The following SUMF1 variants were observed in gnomAD, a reference collection of about 807,000 sequenced individuals.
The protein encoded by SUMF1 is sulfatase modifying factor 1.
In SUMF1, 48 loss-of-function variants were observed where a neutral mutation model predicts 47.6. The observed-to-expected ratio is 1.01, with a 90% CI of 0.80 to 1.28. The LOEUF is 1.28. Ranked by LOEUF, SUMF1 falls within the 50% of genes most tolerant of loss-of-function variation. The pLI, the probability that SUMF1 is intolerant of heterozygous loss-of-function variation, is 0.00. For missense variants in SUMF1, 571 were observed against 485.4 expected, an observed-to-expected ratio of 1.18 and a Z score of -1.66; for synonymous variants, 230 against 192.1, an observed-to-expected ratio of 1.20 and a Z score of -1.63.
chr3:4,183,573 G>C (rs185614674), intron 8 of SUMF1, among the ~76,000 whole-genome samples: 31 of 152,170 alleles, frequency 2.0e-4, no homozygotes, highest in African/African-American at 7.5e-4. Context: ...TTTAATTTGA[G>C]AGTTAACTAA....
At chr3:4,297,496 T>C (rs1406182558) in intron 8 of SUMF1, among the ~76,000 whole-genome samples, 1 of 151,850 alleles carries the variant, frequency 6.6e-6, no homozygotes, top group Non-Finnish European at 1.5e-5. Flanking sequence ...AAGCCTTGGA[T>C]TGCTGGGCTC....
intron 8 of SUMF1, among the ~76,000 whole-genome samples, chr3:4,243,156 GTTCT>G (rs1696582343): frequency 6.6e-6 from 1 of 151,844 alleles, no homozygotes; most frequent in African/African-American, 2.4e-5. Context: ...TCCCTCTTTT[GTTCT>G]TTATTAGTCT....
chr3:4,279,106 G>C (rs1349916787), intron 8 of SUMF1, among the ~76,000 whole-genome samples: 1 of 152,088 alleles, frequency 6.6e-6, no homozygotes, highest in African/African-American at 2.4e-5. Flanking sequence ...GCCACATGTA[G>C]TTTGAGAAGA....
At chr3:4,321,537 T>C (rs946913459) in intron 8 of SUMF1, among the ~76,000 whole-genome samples, 2 of 119,246 alleles carry the variant, frequency 1.7e-5, no homozygotes, top group African/African-American at 6.4e-5. Context: ...CAAAGGAGTA[T>C]AGAAACAAAT....
chr3:4,345,219 A>G (rs557539729), intron 8 of SUMF1, among the ~76,000 whole-genome samples: 4 of 152,340 alleles, frequency 2.6e-5, no homozygotes, highest in Middle Eastern at 6.8e-3. Context: ...GATCAACCCA[A>G]GACACATAAT....
chr3:4,439,697 C>T (rs756815083), intron 3 of SUMF1, among the ~76,000 whole-genome samples: 5 of 151,636 alleles, frequency 3.3e-5, no homozygotes, highest in Non-Finnish European at 7.4e-5. Flanking sequence ...AAAAAAAAAT[C>T]TTTCTTAAAT....
chr3:4,418,205 C>T (rs981104983), intron 4 of SUMF1, 73 bp from the exon 5 acceptor site: 30 of 1,600,650 alleles, frequency 1.9e-5, no homozygotes, highest in Middle Eastern at 3.9e-4. Context: ...TTCAGCAAAG[C>T]GCCCATAATC....
At chr3:4,038,819 G>T (rs1168568633) in intron 9 of SUMF1, among the ~76,000 whole-genome samples, 10 of 152,158 alleles carry the variant, frequency 6.6e-5, no homozygotes, top group Admixed American at 1.3e-4. Context: ...CTACCACTGG[G>T]TATGCTCAGG....
At chr3:4,361,120 G>C (rs1467023428), downstream of SUMF1, 1 of 152,250 alleles carries the variant, frequency 6.6e-6, no homozygotes, top group African/African-American at 2.4e-5. Flanking sequence ...AGAAGAGAAA[G>C]AGAAAAGAAG....
intron 8 of SUMF1, among the ~76,000 whole-genome samples, chr3:4,149,104 T>C (rs1298056621): frequency 6.6e-6 from 1 of 152,140 alleles, no homozygotes; most frequent in Non-Finnish European, 1.5e-5. Context: ...TTAAGAGCTC[T>C]GGAACTCTCT....
chr3:4,145,145 A>T (rs993080400), intron 8 of SUMF1, among the ~76,000 whole-genome samples: 1 of 147,814 alleles, frequency 6.8e-6, no homozygotes, highest in Non-Finnish European at 1.5e-5. Flanking sequence ...GTGAGCGGCC[A>T]TCGCGCCACT....
chr3:4,378,838 T>C (rs763663569), intron 7 of SUMF1, among the ~76,000 whole-genome samples: 7 of 152,210 alleles, frequency 4.6e-5, no homozygotes, highest in Non-Finnish European at 8.8e-5. Flanking sequence ...TCTCTCCCAG[T>C]ATCTGCTAGC....
intron 8 of SUMF1, among the ~76,000 whole-genome samples, chr3:4,151,421 G>GTGTATATATGTATATA (rs1553604111): frequency 1.2e-3 from 59 of 51,020 alleles, no homozygotes; most frequent in East Asian, 0.01. Context: ...ATGTATATAT[G>GTGTATATATGTATATA]TGTATACATG....
At chr3:4,444,292 C>T (rs78196880) in intron 3 of SUMF1, among the ~76,000 whole-genome samples, 342 of 152,258 alleles carry the variant, frequency 2.2e-3, no homozygotes, top group African/African-American at 8.0e-3. Flanking sequence ...ATATTGTTCC[C>T]ATGGCCACTT....
At chr3:4,220,975 T>C (rs951918847) in intron 8 of SUMF1, among the ~76,000 whole-genome samples, 3 of 152,120 alleles carry the variant, frequency 2.0e-5, no homozygotes, top group African/African-American at 7.2e-5. Flanking sequence ...GAACTATAAA[T>C]TGGCTTAGCT....
intron 8 of SUMF1, among the ~76,000 whole-genome samples, chr3:4,175,642 T>C (rs2686719): frequency 0.34 from 51,348 of 151,936 alleles, 8,821 homozygotes; most frequent in East Asian, 0.4. Flanking sequence ...CTCCAAAGAA[T>C]CGCAGCTCCT....
chr3:4,450,310 T>A (rs923149579), intron 2 of SUMF1, among the ~76,000 whole-genome samples: 2 of 152,204 alleles, frequency 1.3e-5, no homozygotes, highest in Non-Finnish European at 2.9e-5. Flanking sequence ...CTATAGCCAG[T>A]ACTCCAAATG....
intron 8 of SUMF1, among the ~76,000 whole-genome samples, chr3:4,115,160 A>G (rs56097274): frequency 0.4 from 60,777 of 151,854 alleles, 12,563 homozygotes; most frequent in Admixed American, 0.48. Flanking sequence ...GGTCACCGAC[A>G]GGCACCAGTG....
intron 8 of SUMF1, among the ~76,000 whole-genome samples, chr3:4,215,065 G>C (rs1282374657): frequency 1.3e-5 from 2 of 152,152 alleles, no homozygotes; most frequent in Non-Finnish European, 2.9e-5. Context: ...ACATCATCCT[G>C]ATACCAAAAT....
Sources: allele counts gnomAD v4.1 joint callset (sites outside exome capture counted in the v4.1 genomes callset), GRCh38; gene constraint gnomAD v4.1.1; transcripts MANE v1.5; gene names NCBI Gene and HGNC (gene_info 2026-07-23, HGNC 2026-07-21).